HECW1: variants seen among roughly 807,000 people sequenced by gnomAD.
HECW1 encodes HECT, C2 and WW domain containing E3 ubiquitin protein ligase 1.
HECW1 carries 61 observed loss-of-function variants against 182.3 expected under a neutral mutation model. The observed-to-expected ratio is 0.33, with a 90% confidence interval of 0.27 to 0.41. HECW1 has a LOEUF of 0.41. Ranked by LOEUF, HECW1 falls within the 10% of genes least tolerant of loss-of-function variation. HECW1 has a pLI of 1.00. For synonymous variants in HECW1, 859 were observed against 832.6 expected (o/e 1.03, Z -0.55); for missense variants, 1,739 against 2,108.9 (o/e 0.82, Z 3.44).
chr7:43,372,218 T>C (rs1304881043), intron 6 of HECW1, among the ~76,000 whole-genome samples: 1 of 152,232 alleles, frequency 6.6e-6, no homozygotes, highest in African/African-American at 2.4e-5. Context: ...GAAAAATTAT[T>C]TCCAGGAAAG....
In HECW1 at chr7:43,353,475, C is replaced by G. The variant is rs569195080; in HGVS notation, c.461-7411C>G. Among the ~76,000 whole-genome samples, 14 of 152,174 alleles carry G rather than the reference C, an allele frequency of 9.2e-5. No individual in the cohort carries two copies. The East Asian group carries it at 2.7e-3, about 29-fold the overall frequency. On this transcript the variant is annotated intron_variant, in intron 5 of 29. Coordinates refer to ENST00000395891, the MANE Select transcript of HECW1 (RefSeq NM_015052.5). ...GAGGCAAGATGGCTTCACTTCCCCC[C>G]ACAGAAAATTTAAAACAATTGTATG...
intron 2 of HECW1, among the ~76,000 whole-genome samples, chr7:43,211,018 G>A (rs113767906): frequency 2.6e-5 from 4 of 152,332 alleles, no homozygotes; most frequent in Middle Eastern, 6.8e-3. Context: ...TTTGTATCCC[G>A]GTCATTGTAT....
intron 5 of HECW1, among the ~76,000 whole-genome samples, chr7:43,357,123 C>T (rs1815250108): frequency 6.6e-6 from 1 of 152,256 alleles, no homozygotes; most frequent in East Asian, 1.9e-4. Context: ...TCATACACTG[C>T]TGGTGGGAAT....
chr7:43,121,308 C>T (rs1785586617), intron 2 of HECW1, among the ~76,000 whole-genome samples: 1 of 152,170 alleles, frequency 6.6e-6, no homozygotes, highest in South Asian at 2.1e-4. Context: ...CTCTGGGCCA[C>T]ACTGACTTTG....
intron 17 of HECW1, among the ~76,000 whole-genome samples, chr7:43,480,846 G>A (rs769586043): frequency 2.6e-5 from 4 of 152,062 alleles, no homozygotes; most frequent in Non-Finnish European, 4.4e-5. Flanking sequence ...CCTCCAGATA[G>A]CAAACATAAG....
At chr7:43,483,327 C>T (rs1035707403) in intron 17 of HECW1, among the ~76,000 whole-genome samples, 1 of 151,880 alleles carries the variant, frequency 6.6e-6, no homozygotes, top group African/African-American at 2.4e-5. Context: ...TTTTCCTGAC[C>T]CCATCCATTA....
At chr7:43,236,497 G>A (rs557704832) in intron 2 of HECW1, among the ~76,000 whole-genome samples, 10 of 152,130 alleles carry the variant, frequency 6.6e-5, no homozygotes, top group Non-Finnish European at 1.5e-4. Context: ...GACATGAGAC[G>A]TCAATCAATA....
intron 2 of HECW1, among the ~76,000 whole-genome samples, chr7:43,170,024 C>T (rs537554721): frequency 6.6e-6 from 1 of 152,300 alleles, no homozygotes; most frequent in East Asian, 1.9e-4. Flanking sequence ...GGGTCCCCAA[C>T]CCCCGGGCCA....
At chr7:43,360,853 A>C in intron 5 of HECW1, 33 bp from the exon 6 acceptor site, 2 of 1,494,212 alleles carry the variant, frequency 1.3e-6, no homozygotes. Flanking sequence ...GTTACACCCT[A>C]CTTCTCAGTC....
chr7:43,483,768 C>T (rs1166559452), intron 17 of HECW1, among the ~76,000 whole-genome samples: 1 of 151,978 alleles, frequency 6.6e-6, no homozygotes, highest in Admixed American at 6.6e-5. Flanking sequence ...AGACTGGTCT[C>T]GAACTCTTGA....
rs142181602 is a variant in HECW1, at chr7:43,286,724, A to AC, written c.28-25036dup. ...GAGGGATATCACCAACCAAGGCCTC[A>AC]CCCAGAATCACACCTTATAACTACT... On this transcript the variant is annotated intron_variant, in intron 3 of 29. Coordinates refer to ENST00000395891, the MANE Select transcript of HECW1 (RefSeq NM_015052.5). 9.8e-3 allele frequency among the ~76,000 whole-genome samples: 1,497 copies of AC among 152,204 alleles called. 31 individuals are homozygous for AC. Among genetic ancestry groups the AC allele is most frequent in the African/African-American group, 0.034 (1,411 of 41,512 alleles).
At chr7:43,163,308 G>A (rs1439314049) in intron 2 of HECW1, 2 of 152,186 alleles carry the variant, frequency 1.3e-5, no homozygotes, top group East Asian at 1.9e-4. Context: ...GTTGGATTGC[G>A]AACCATATAT....
chr7:43,334,542 T>C (rs1459917116), intron 5 of HECW1, among the ~76,000 whole-genome samples: 1 of 152,226 alleles, frequency 6.6e-6, no homozygotes, highest in East Asian at 1.9e-4. Flanking sequence ...ATCTAAGCCT[T>C]GTTCCTTCTC....
Position 43,377,295 on chromosome 7 carries a change from G to A in HECW1, c.555+16315G>A, listed in dbSNP as rs142648317. On this transcript the variant is annotated intron_variant, in intron 6 of 29. Transcript: ENST00000395891. ...CTATGAGGACAGGGAAGTTCAGGTC[G>A]ATGAACAAATGGATTAACTATGATC... Among the ~76,000 whole-genome samples, 618 of 152,230 alleles carry A rather than the reference G, an allele frequency of 4.1e-3. 7 individuals are homozygous for A. Among genetic ancestry groups the A allele is most frequent in the African/African-American group, 0.014 (582 of 41,538 alleles).
At chr7:43,335,716 C>T (rs1812040370) in intron 5 of HECW1, among the ~76,000 whole-genome samples, 1 of 151,436 alleles carries the variant, frequency 6.6e-6, no homozygotes, top group Non-Finnish European at 1.5e-5. Flanking sequence ...TCCTTTCCTT[C>T]CTTTTTTATC....
intron 3 of HECW1, among the ~76,000 whole-genome samples, chr7:43,308,243 A>G (rs796838642): frequency 1.8e-5 from 1 of 56,202 alleles, no homozygotes; most frequent in Non-Finnish European, 2.7e-5. Flanking sequence ...AATAATATAT[A>G]ATATATATAT....
rs576982636 is a variant in HECW1 at position 43,508,191 on chromosome 7, CA to C, written c.3866+61del. ...CAAGGGTGGGCCAGAGCCTCAGGGTCAGGGGTGATTTTTCTCAAGAAGGAGC... is the reference window on the plus strand; with the variant it reads ...CAAGGGTGGGCCAGAGCCTCAGGGTCGGGGTGATTTTTCTCAAGAAGGAGC... On this transcript the variant is annotated intron_variant, in intron 23 of 29. Transcript: ENST00000395891. 1.7e-3 allele frequency: 1,977 copies of C among 1,134,432 alleles called. 4 individuals carry two copies. Among genetic ancestry groups the C allele is most frequent in the Non-Finnish European group, 2.4e-3 (1,830 of 753,442 alleles). The allele number at this position is 1,134,432 out of a possible 1,614,324, so 70.3% of individuals were successfully genotyped here.
chr7:43,303,126 AC>A (rs1403402593), intron 3 of HECW1, among the ~76,000 whole-genome samples: 13 of 152,096 alleles, frequency 8.5e-5, no homozygotes, highest in Middle Eastern at 6.8e-3. Context: ...CTCTGCCCAT[AC>A]AAACCACCCA....
intron 13 of HECW1, 132 bp downstream of exon 13, chr7:43,456,579 C>A: frequency 1.2e-6 from 1 of 814,028 alleles, no homozygotes; most frequent in South Asian, 3.6e-5. Context: ...TCTTAAGAAA[C>A]CTGTTCCTAG....
Sources: allele counts gnomAD v4.1 joint callset (sites outside exome capture counted in the v4.1 genomes callset), GRCh38; gene constraint gnomAD v4.1.1; transcripts MANE v1.5; gene names NCBI Gene and HGNC (gene_info 2026-07-23, HGNC 2026-07-21).